ADAM10: variants seen among roughly 807,000 people sequenced by gnomAD.
ADAM10 encodes the protein disintegrin and metalloproteinase domain-containing protein 10.
Under a neutral mutation model 90.1 loss-of-function variants are expected in ADAM10, and 17 were observed. That is an observed-to-expected ratio of 0.19 (90% CI 0.13 to 0.28). The LOEUF (loss-of-function observed/expected upper bound fraction) is 0.28. ADAM10 is among the 10% of genes least tolerant of loss of function. The probability of loss-of-function intolerance (pLI) is 1.00; values close to 1 mark genes in which losing one functional copy is unlikely to be tolerated. For missense variants in ADAM10, 610 were observed against 914.3 expected (o/e 0.67, Z 4.29); for synonymous variants, 310 against 298.6 (o/e 1.04, Z -0.40).
At chr15:58,660,559 C>G (rs1896941096) in intron 5 of ADAM10, among the ~76,000 whole-genome samples, 1 of 152,012 alleles carries the variant, frequency 6.6e-6, no homozygotes, top group South Asian at 2.1e-4. Flanking sequence ...CTCAAGCAAT[C>G]TTCACACCTC....
chr15:58,749,543 G>A lies in ADAM10; in HGVS notation c.-9C>T. ...ACTCTCAGCAACACCATCTTCCGCTGCCGCTGCCGCCGCCGCCGCCTCCTC... is the reference window on the plus strand; with the variant it reads ...ACTCTCAGCAACACCATCTTCCGCTACCGCTGCCGCCGCCGCCGCCTCCTC... On this transcript the variant is annotated 5_prime_UTR_variant, in exon 1 of 16. Coordinates refer to ENST00000260408, the MANE Select transcript of ADAM10 (RefSeq NM_001110.4). 1 of 1,551,314 alleles carries A rather than the reference G, an allele frequency of 6.4e-7. No homozygotes were observed. The highest frequency in any genetic ancestry group is 8.7e-7 in the Non-Finnish European group (1 of 1,146,952).
At chr15:58,610,946 G>A (rs373175270) in intron 13 of ADAM10, 53 bp downstream of exon 13, 37 of 1,371,390 alleles carry the variant, frequency 2.7e-5, no homozygotes, top group South Asian at 2.3e-4. Flanking sequence ...AAATTTAGGA[G>A]AAAATAATAG....
chr15:58,598,424 C>A (rs1375530582), intron 15 of ADAM10, among the ~76,000 whole-genome samples: 1 of 152,160 alleles, frequency 6.6e-6, no homozygotes, highest in East Asian at 1.9e-4. Context: ...ATATAAAAAT[C>A]AAATTTCCTC....
chr15:58,626,798 G>A (rs1895960127), intron 10 of ADAM10, among the ~76,000 whole-genome samples: 1 of 152,130 alleles, frequency 6.6e-6, no homozygotes, highest in Admixed American at 6.5e-5. Flanking sequence ...GTTACCAGGG[G>A]CTGAGGGGAA....
intron 3 of ADAM10, among the ~76,000 whole-genome samples, chr15:58,681,229 C>G (rs1233776949): frequency 6.6e-6 from 1 of 152,058 alleles, no homozygotes; most frequent in African/African-American, 2.4e-5. Context: ...GATAAATAAT[C>G]AAGAAGACAA....
rs1454975734 is a variant in ADAM10, at chr15:58,708,063, C to T, written c.206+9514G>A. 3.3e-5 allele frequency among the ~76,000 whole-genome samples: 5 copies of T among 151,396 alleles called. No homozygotes were observed. The East Asian group carries it at 5.8e-4, about 18-fold the overall frequency. ...CTGTACTCCAGCCTGGGCAACAGAG[C>T]GAGACTCGGTCTCAAAAAAAAACAA... On this transcript the variant is annotated intron_variant, in intron 2 of 15. Coordinates refer to ENST00000260408, the MANE Select transcript of ADAM10 (RefSeq NM_001110.4).
At chr15:58,713,994 C>T (rs144232550) in intron 2 of ADAM10, among the ~76,000 whole-genome samples, 20 of 151,798 alleles carry the variant, frequency 1.3e-4, no homozygotes, top group Admixed American at 4.6e-4. Flanking sequence ...TTAGTAGAGA[C>T]GGGGTTACAC....
intron 5 of ADAM10, among the ~76,000 whole-genome samples, chr15:58,647,323 C>T (rs977964473): frequency 3.3e-5 from 4 of 119,866 alleles, no homozygotes; most frequent in African/African-American, 6.4e-5. Flanking sequence ...TGCAGTGGCA[C>T]GATCTTGGCT....
At position 58,679,156 on chromosome 15, in the gene ADAM10, A is replaced by T; in HGVS notation, c.452T>A (p.Phe151Tyr). 2 of 1,614,014 alleles carry T rather than the reference A, an allele frequency of 1.2e-6. No homozygotes were observed. Among genetic ancestry groups the T allele is most frequent in the Non-Finnish European group, 1.7e-6 (2 of 1,179,960 alleles). Reference sequence around the variant, plus strand: ...ATCTTCATGATAAATGACAGAGTGAAATGGCAGAGTTCGGTCTTTAATATA... The same window carrying T: ...ATCTTCATGATAAATGACAGAGTGATATGGCAGAGTTCGGTCTTTAATATA... The part of the protein sequence containing the change: ...ERYIKDRTLP[F>Y]HSVIYHEDDI... The change falls in exon 4 of 16, where the codon TTT (phenylalanine) becomes TAT (tyrosine). Residue 151 changes from phenylalanine (F) to tyrosine (Y), a missense_variant. Coordinates refer to ENST00000260408, the MANE Select transcript of ADAM10 (RefSeq NM_001110.4).
intron 14 of ADAM10, among the ~76,000 whole-genome samples, chr15:58,603,495 C>T (rs183968465): frequency 2.0e-5 from 3 of 152,140 alleles, no homozygotes; most frequent in Non-Finnish European, 4.4e-5. Context: ...AGCTTTCTCA[C>T]GATGATGGGC....
chr15:58,692,580 C>T (rs1244817513), intron 2 of ADAM10: 1 of 553,626 alleles, frequency 1.8e-6, no homozygotes, highest in African/African-American at 1.9e-5. Context: ...AGCCTATGAA[C>T]TGAGGGTGCT....
At chr15:58,690,161 C>T (rs1224391714) in intron 2 of ADAM10, among the ~76,000 whole-genome samples, 1 of 152,110 alleles carries the variant, frequency 6.6e-6, no homozygotes, top group African/African-American at 2.4e-5. Context: ...TCATTAGGTA[C>T]AGAAAAAGCA....
Position 58,595,485 on chromosome 15 carries a change from A to C in ADAM10, c.*2062T>G, listed in dbSNP as rs1894926441. Reference sequence around the variant, plus strand: ...TTTATTTTTTGCAATTTTTAGTAAAAATTTCCAAAGTGAACAAAAAAAGAT... The same window carrying C: ...TTTATTTTTTGCAATTTTTAGTAAACATTTCCAAAGTGAACAAAAAAAGAT... On this transcript the variant is annotated 3_prime_UTR_variant, in exon 16 of 16. Transcript: ENST00000260408. The C allele has an allele frequency of 6.6e-6, 1 of 152,124 alleles. No individual in the cohort carries two copies. The highest frequency in any genetic ancestry group is 2.4e-5 in the African/African-American group (1 of 41,420). The allele number at this position is 152,124 out of a possible 1,614,324, so 9.4% of individuals were successfully genotyped here.
chr15:58,666,008 A>G (rs1375912553), intron 4 of ADAM10, among the ~76,000 whole-genome samples: 4 of 151,788 alleles, frequency 2.6e-5, no homozygotes, highest in Admixed American at 2.0e-4. Flanking sequence ...ACTTGTCACT[A>G]TTGATAACTG....
chr15:58,627,928 G>C lies in ADAM10; in HGVS notation c.1177-45C>G, dbSNP rs370781401. 7.6e-6 allele frequency: 12 copies of C among 1,577,434 alleles called. No homozygotes were observed. The African/African-American group carries it at 1.3e-4, about 18-fold the overall frequency. On this transcript the variant is annotated intron_variant, in intron 9 of 15. Transcript: ENST00000260408. The stretch of plus-strand genomic sequence containing the variant: ...GTTACATAAACAGGAAGTAAAATAA[G>C]GTTTTCAGGTCAACTGATTAAACGT...
At position 58,694,408 on chromosome 15, in the gene ADAM10, G is replaced by A. The variant is rs533123010; in HGVS notation, c.207-12094C>T. 8.8e-4 allele frequency among the ~76,000 whole-genome samples: 133 copies of A among 151,996 alleles called. 1 individual carries two copies. The Middle Eastern group carries it at 0.054, about 62-fold the overall frequency. On this transcript the variant is annotated intron_variant, in intron 2 of 15. Transcript: ENST00000260408. ...GGAGGTTGCAGTGAGCCGAGATCAC[G>A]ACACTGCACTCCAGCCTGGGAAACA... is the stretch of plus-strand genomic sequence containing the variant.
intron 2 of ADAM10, among the ~76,000 whole-genome samples, chr15:58,688,876 T>A (rs765947762): frequency 9.8e-5 from 14 of 142,614 alleles, no homozygotes; most frequent in Non-Finnish European, 1.4e-4. Flanking sequence ...ACAAAAACTA[T>A]CTAACTTGAT....
intron 8 of ADAM10, among the ~76,000 whole-genome samples, chr15:58,637,238 A>G (rs1203021097): frequency 6.6e-6 from 1 of 152,240 alleles, no homozygotes; most frequent in African/African-American, 2.4e-5. Context: ...AAATGCCTCA[A>G]AAGATGTTCT....
At chr15:58,726,926 G>A (rs1301138425) in intron 1 of ADAM10, among the ~76,000 whole-genome samples, 1 of 151,316 alleles carries the variant, frequency 6.6e-6, no homozygotes, top group African/African-American at 2.4e-5. Flanking sequence ...GGGAAAAGGA[G>A]AAGACGAAGG....
Sources: gnomAD v4.1 joint callset for allele counts (sites outside exome capture counted in the v4.1 genomes callset) on GRCh38, gnomAD v4.1.1 for gene constraint, MANE v1.5 for transcripts, NCBI Gene and HGNC (gene_info 2026-07-23, HGNC 2026-07-21) for gene names.